Variants in TNKS1BP1 observed in about 807,000 individuals in gnomAD.
The protein encoded by TNKS1BP1 is CCR4-NOT transcription complex subunit 12.
In TNKS1BP1, 48 loss-of-function variants were observed where a neutral mutation model predicts 141.1. That is an observed-to-expected ratio of 0.34 (90% CI 0.27 to 0.43). TNKS1BP1 has a LOEUF of 0.43. TNKS1BP1 is among the 20% of genes least tolerant of loss of function. The pLI is 1.00. For synonymous variants in TNKS1BP1, 875 were observed against 898.2 expected (o/e 0.97, Z 0.46); for missense variants, 2,149 against 2,226.0 (o/e 0.97, Z 0.70).
intron 6 of TNKS1BP1, among the ~76,000 whole-genome samples, chr11:57,306,995 T>C (rs1855623783): frequency 6.6e-6 from 1 of 151,904 alleles, no homozygotes; most frequent in Non-Finnish European, 1.5e-5. Context: ...GAGGTACTCC[T>C]GACTCTTTGC....
chr11:57,320,602 G>T lies in TNKS1BP1; in HGVS notation c.205C>A (p.Arg69=). 6.2e-7 allele frequency: 1 copy of T among 1,613,826 alleles called. No homozygotes were observed. The highest frequency in any genetic ancestry group is 8.5e-7 in the Non-Finnish European group (1 of 1,179,974). The change falls in exon 3 of 12, where the codon CGG becomes AGG. Residue 69 remains arginine, a synonymous_variant. Transcript: ENST00000358252. ...LLVPVGPRPP[R]GPLAELPSAR... ...GAAGGCAACTCAGCCAGGGGACCCCGGGGAGGCCGAGGCCCAACAGGCACC... is the reference window on the plus strand; with the variant it reads ...GAAGGCAACTCAGCCAGGGGACCCCTGGGAGGCCGAGGCCCAACAGGCACC...
intron 4 of TNKS1BP1, among the ~76,000 whole-genome samples, chr11:57,316,023 C>A (rs922344990): frequency 2.0e-5 from 3 of 152,202 alleles, no homozygotes; most frequent in African/African-American, 7.2e-5. Flanking sequence ...TTCTTGAAAG[C>A]CCTGTCTATA....
intron 6 of TNKS1BP1, among the ~76,000 whole-genome samples, chr11:57,307,551 C>T (rs1468119098): frequency 6.6e-6 from 1 of 152,124 alleles, no homozygotes; most frequent in African/African-American, 2.4e-5. Context: ...CAACCCCTTC[C>T]ACTTATAAAA....
chr11:57,313,514 T>C lies in TNKS1BP1; in HGVS notation c.1174A>G (p.Ile392Val), dbSNP rs989813918. The change falls in exon 5 of 12, where the codon ATC becomes GTC. Residue 392 changes from isoleucine (I) to valine (V), a missense_variant. By Grantham distance (29) the Ile-to-Val change is conservative. Coordinates refer to ENST00000358252, the MANE Select transcript of TNKS1BP1 (RefSeq NM_033396.3). ...QPPATSPRPL[I>V]EVGELLDLTR... ...AGATCCAGCAACTCACCCACCTCGATCAGGGGCCGGGGTGAGGTGGCAGGG... is the reference window on the plus strand; with the variant it reads ...AGATCCAGCAACTCACCCACCTCGACCAGGGGCCGGGGTGAGGTGGCAGGG... 1.3e-6 allele frequency: 2 copies of C among 1,572,376 alleles called. No individual in the cohort carries two copies. The highest frequency in any genetic ancestry group is 2.7e-5 in the African/African-American group (2 of 73,918).
rs76781175 is a variant in TNKS1BP1, at chr11:57,313,788, G to A, written c.900C>T (p.Gly300=). ...TATCAGGCGGGTGAAGATGGGGAGA[G>A]CCAGGGCCTGAGCCTGAGGCTTCTG... ...LPAEASGSGP[G]SPHLHPPDKS... is the part of the protein sequence containing the mutation. The change falls in exon 5 of 12, where the codon GGC becomes GGT. Residue 300 remains glycine (G), a synonymous_variant. Coordinates refer to ENST00000358252, the MANE Select transcript of TNKS1BP1 (RefSeq NM_033396.3). The A allele has an allele frequency of 3.7e-3, 5,842 of 1,592,274 alleles. 187 individuals are homozygous for A. The African/African-American group carries it at 0.069, about 19-fold the overall frequency.
rs1257981926 is a variant in TNKS1BP1 at position 57,308,565 on chromosome 11, G to A, written c.4146C>T (p.Gly1382=). 1 of 1,613,988 alleles carries A rather than the reference G, an allele frequency of 6.2e-7. No individual in the cohort carries two copies. The highest frequency in any genetic ancestry group is 2.2e-5 in the East Asian group (1 of 44,882). ...QCPEPGLRHN[G]SLSPGLEARD... is the part of the protein sequence containing the mutation. ...TGGCCTCCAGGCCAGGAGACAAGCT[G>A]CCATTGTGCCTCAGGCCGGGCTCTG... The change falls in exon 6 of 12, where the codon GGC becomes GGT. Residue 1382 remains glycine, a synonymous_variant. Coordinates refer to ENST00000358252, the MANE Select transcript of TNKS1BP1 (RefSeq NM_033396.3).
In TNKS1BP1 at chr11:57,302,142, C is replaced by T. The variant is rs1160228583; in HGVS notation, c.4766G>A (p.Arg1589Gln). The change falls in exon 8 of 12, where the codon CGG (arginine) becomes CAG (glutamine). Residue 1589 changes from arginine to glutamine, a missense_variant. Arg to Gln is a conservative substitution (Grantham distance 43). Transcript: ENST00000358252. This position sits in a 1 kb window ranked among gnomAD's most constrained non-coding sequence, Gnocchi z 5.5. ...CGACAGGCCCAAGGTACCCCCAGGC[C>T]GAATGACCGGGGCCCGGTGCCCACG... is the stretch of plus-strand genomic sequence containing the variant. Reference protein sequence around the residue: ...RKRGHRAPVIRPGGTLGLSEA... With the variant: ...RKRGHRAPVIQPGGTLGLSEA... 2 of 1,613,758 alleles carry T rather than the reference C, an allele frequency of 1.2e-6. No individual in the cohort carries two copies. Among genetic ancestry groups the T allele is most frequent in the East Asian group, 2.2e-5 (1 of 44,870 alleles).
chr11:57,313,943 A>C (rs1590590228), intron 4 of TNKS1BP1, 54 bp from the exon 5 acceptor site: 1 of 1,429,890 alleles, frequency 7.0e-7, no homozygotes, highest in Non-Finnish European at 9.1e-7. Context: ...CGGGGCGGGG[A>C]GGGTCCCCTC....
intron 3 of TNKS1BP1, among the ~76,000 whole-genome samples, chr11:57,318,242 G>C (rs1290619210): frequency 6.6e-6 from 1 of 152,230 alleles, no homozygotes. Context: ...GCCAGGAAGA[G>C]TGCAGCTGGT....
Position 57,302,963 on chromosome 11 carries a change from A to T in TNKS1BP1, c.4317-138T>A. ...CCCATGCTTTTTCCAGACTCCAAGG[A>T]CACGGTCAGGGCCTTGAGCAACACA... On this transcript the variant is annotated intron_variant, in intron 6 of 11. Transcript: ENST00000358252. This position sits in a 1 kb window ranked among gnomAD's most constrained non-coding sequence, Gnocchi z 5.5. 9.0e-7 allele frequency: 1 copy of T among 1,115,102 alleles called. No homozygotes were observed. The highest frequency in any genetic ancestry group is 1.2e-6 in the Non-Finnish European group (1 of 820,616). The allele number at this position is 1,115,102 out of a possible 1,614,324, so 69.1% of individuals were successfully genotyped here. A position where few individuals can be genotyped will look rare whatever the true frequency, so the allele number is the denominator to read the frequency against.
intron 1 of TNKS1BP1, 111 bp from the exon 2 acceptor site, chr11:57,322,061 G>A: frequency 3.1e-5 from 12 of 381,256 alleles, no homozygotes; most frequent in Admixed American, 6.7e-5. Context: ...CAGGAAGAGA[G>A]AACTTGGAGT....
rs376988577 is a variant in TNKS1BP1 at position 57,313,310 on chromosome 11, G to A, written c.1378C>T (p.Leu460=). The A allele has an allele frequency of 9.3e-6, 15 of 1,613,008 alleles. No homozygotes were observed. The East Asian group carries it at 1.8e-4, about 19-fold the overall frequency. Residue 460 remains leucine, a synonymous_variant, in exon 5 of 12, where the codon CTG becomes TTG. Coordinates refer to ENST00000358252, the MANE Select transcript of TNKS1BP1 (RefSeq NM_033396.3). ...LPQGQGSQLA[L]DRPFGAESNW... The stretch of plus-strand genomic sequence containing the variant: ...GACTCTGCCCCAAAGGGACGATCCA[G>A]GGCCAACTGGCTCCCCTGGCCTTGG...
intron 11 of TNKS1BP1, 39 bp downstream of exon 11, chr11:57,300,489 C>G (rs917737365): frequency 6.2e-7 from 1 of 1,602,428 alleles, no homozygotes; most frequent in Admixed American, 1.7e-5. Flanking sequence ...AGGGCAGGCC[C>G]TCCTCAGACT....
At chr11:57,311,857 A>G (rs1225511451) in intron 5 of TNKS1BP1, among the ~76,000 whole-genome samples, 1 of 152,242 alleles carries the variant, frequency 6.6e-6, no homozygotes, top group Admixed American at 6.5e-5. Context: ...CTGCCTGTCT[A>G]CAAAGCAGGT....
In TNKS1BP1 at chr11:57,312,766, C is replaced by G. The variant is rs1855733150; in HGVS notation, c.1922G>C (p.Gly641Ala). ...CVLFADAPEP[G>A]QALPVEEEAV... is the part of the protein sequence containing the mutation. ...CTCCTCCTCAACAGGCAGTGCCTGT[C>G]CAGGCTCAGGGGCATCAGCAAAGAG... Residue 641 changes from glycine (G) to alanine (A), a missense_variant, in exon 5 of 12, where the codon GGA (glycine) becomes GCA (alanine). Coordinates refer to ENST00000358252, the MANE Select transcript of TNKS1BP1 (RefSeq NM_033396.3). The G allele has an allele frequency of 3.7e-6, 6 of 1,603,232 alleles. No homozygotes were observed. The highest frequency in any genetic ancestry group is 5.1e-6 in the Non-Finnish European group (6 of 1,173,880).
At chr11:57,307,697 C>T (rs571605528) in intron 6 of TNKS1BP1, among the ~76,000 whole-genome samples, 42 of 152,346 alleles carry the variant, frequency 2.8e-4, no homozygotes, top group African/African-American at 9.1e-4. Flanking sequence ...GTTAACAAAA[C>T]GGATGCAATG....
At position 57,310,508 on chromosome 11, in the gene TNKS1BP1, T is replaced by C; in HGVS notation, c.2203A>G (p.Thr735Ala). Residue 735 changes from threonine (T) to alanine (A), a missense_variant, in exon 6 of 12, where the codon ACA (threonine) becomes GCA (alanine). Transcript: ENST00000358252. ...QKDLQSEFGITGDPQPSSFSP... is the reference protein window; with the variant it reads ...QKDLQSEFGIAGDPQPSSFSP... The stretch of plus-strand genomic sequence containing the variant: ...AAACTGCTGGGCTGTGGGTCTCCTG[T>C]GATCCCAAATTCACTCTGCAGATCT... The C allele has an allele frequency of 1.2e-6, 2 of 1,609,038 alleles. No homozygotes were observed. The highest frequency in any genetic ancestry group is 1.7e-6 in the Non-Finnish European group (2 of 1,179,988).
rs1310386025 is a variant in TNKS1BP1, at chr11:57,312,893, G to T, written c.1795C>A (p.Gln599Lys). 1.9e-6 allele frequency: 3 copies of T among 1,608,518 alleles called. No individual in the cohort carries two copies. The highest frequency in any genetic ancestry group is 2.5e-6 in the Non-Finnish European group (3 of 1,176,714). The change falls in exon 5 of 12, where the codon CAG (glutamine) becomes AAG (lysine). Residue 599 changes from glutamine to lysine, a missense_variant. By Grantham distance (53) the Gln-to-Lys change is moderately conservative. Transcript: ENST00000358252. ...GTAGCCAGGGGGAGAGGGGACTCCT[G>T]TCCAGCCAAGGGCTCCTGCGACTCG... ...RYESQEPLAG[Q>K]ESPLPLATRE...
At chr11:57,311,326 A>G (rs764842887) in intron 5 of TNKS1BP1, 39 of 985,552 alleles carry the variant, frequency 4.0e-5, no homozygotes, top group Non-Finnish European at 4.6e-5. Context: ...CCGCTCCAGG[A>G]TAGACATGCT....
Sources: gnomAD v4.1 joint callset for allele counts (sites outside exome capture counted in the v4.1 genomes callset) on GRCh38, gnomAD v4.1.1 for gene constraint, Gnocchi (gnomAD v3.1) non-coding constraint, MANE v1.5 for transcripts, NCBI Gene and HGNC (gene_info 2026-07-23, HGNC 2026-07-21) for gene names.